Variants in ZNF677 observed in about 807,000 individuals in gnomAD.
ZNF677 encodes the protein hypothetical protein MGC48625.
A neutral mutation model predicts 8.1 loss-of-function variants in ZNF677; 5 were observed. The ratio of observed to expected loss-of-function variants is 0.62; its 90% CI spans 0.32 to 1.29. The LOEUF (loss-of-function observed/expected upper bound fraction) is 1.29, where lower values mean the gene tolerates loss of function less well. Among genes scored for constraint, ZNF677 ranks in the 50% most tolerant of loss-of-function variants. The probability of loss-of-function intolerance (pLI) is 0.05; values close to 1 mark genes in which losing one functional copy is unlikely to be tolerated. For synonymous variants in ZNF677, 221 were observed against 225.6 expected (o/e 0.98, Z 0.18); for missense variants, 685 against 685.9 (o/e 1.00, Z 0.01).
intron 4 of ZNF677, chr19:53,242,498 G>A (rs2091068781): frequency 2.5e-6 from 1 of 398,168 alleles, no homozygotes; most frequent in African/African-American, 2.1e-5. Context: ...GGATCTCTCT[G>A]TCAAGTCTTT....
In ZNF677 at chr19:53,251,572, T is replaced by A. The variant is rs1198569471; in HGVS notation, c.-22A>T. 3.1e-6 allele frequency: 5 copies of A among 1,613,792 alleles called. No homozygotes were observed. Among genetic ancestry groups the A allele is most frequent in the Non-Finnish European group, 4.2e-6 (5 of 1,179,858 alleles). ...CCATTCCCTCCTCTTCTTTCTTTCC[T>A]CTTCCTCTGAGTTTCTTTCTCAGGT... is the stretch of plus-strand genomic sequence containing the variant. On this transcript the variant is annotated 5_prime_UTR_variant, in exon 3 of 5. Coordinates refer to ENST00000598513, the MANE Select transcript of ZNF677 (RefSeq NM_182609.4).
At chr19:53,240,870 A>T (rs985502056) in intron 4 of ZNF677, 2 of 152,156 alleles carry the variant, frequency 1.3e-5, no homozygotes, top group Non-Finnish European at 2.9e-5. Context: ...AGGTTTATCA[A>T]TTTTAACAAA....
chr19:53,243,490 C>T (rs2146945704), intron 4 of ZNF677: 1 of 522,864 alleles, frequency 1.9e-6, no homozygotes, highest in Non-Finnish European at 3.3e-6. Context: ...TGATACCAGA[C>T]ACTTTAAAAC....
At position 53,237,513 on chromosome 19, in the gene ZNF677, C is replaced by A; in HGVS notation, c.1214G>T (p.Cys405Phe). Residue 405 changes from cysteine (C) to phenylalanine (F), a missense_variant, in exon 5 of 5, where the codon TGT (cysteine) becomes TTT (phenylalanine). By Grantham distance (205) the Cys-to-Phe change is radical. Transcript: ENST00000598513. Reference protein sequence around the residue: ...RIHTGEKPYICNECGKAFKQC... With the variant: ...RIHTGEKPYIFNECGKAFKQC... The stretch of plus-strand genomic sequence containing the variant: ...CTTAAAAGCTTTGCCACACTCATTA[C>A]ATATGTAAGGCTTCTCTCCAGTATG... The A allele has an allele frequency of 1.9e-6, 3 of 1,613,810 alleles. No individual in the cohort carries two copies. Among genetic ancestry groups the A allele is most frequent in the Non-Finnish European group, 2.5e-6 (3 of 1,179,886 alleles).
At chr19:53,252,440 A>T (rs1488108873) in intron 2 of ZNF677, among the ~76,000 whole-genome samples, 1 of 152,208 alleles carries the variant, frequency 6.6e-6, no homozygotes, top group Non-Finnish European at 1.5e-5. Flanking sequence ...CTCAGTTGTA[A>T]ATGAATGTTG....
At chr19:53,242,364 T>C (rs769996323) in intron 4 of ZNF677, 85 of 398,322 alleles carry the variant, frequency 2.1e-4, no homozygotes, top group Non-Finnish European at 3.1e-4. Context: ...GGTACGGGAG[T>C]AAAATAAAAG....
At chr19:53,240,589 G>C (rs1389660183) in intron 4 of ZNF677, 2 of 152,184 alleles carry the variant, frequency 1.3e-5, no homozygotes, top group Admixed American at 1.3e-4. Flanking sequence ...AAGCCAATCT[G>C]AAAAGGCCAT....
chr19:53,238,607 G>A (rs751488477), intron 4 of ZNF677, 50 bp from the exon 5 acceptor site: 4 of 1,446,354 alleles, frequency 2.8e-6, no homozygotes, highest in East Asian at 2.3e-5. Context: ...AGAGTTGCAA[G>A]GTAAATATTT....
In ZNF677 at chr19:53,236,137, G is replaced by A. The variant is rs2090971070; in HGVS notation, c.*835C>T. ...GAGAATTGCTTGAACCCGGGAGACAGAGGTTGCAGTGAGCTGAGATGGTGC... is the reference window on the plus strand; with the variant it reads ...GAGAATTGCTTGAACCCGGGAGACAAAGGTTGCAGTGAGCTGAGATGGTGC... On this transcript the variant is annotated 3_prime_UTR_variant, in exon 5 of 5. Transcript: ENST00000598513. The A allele has an allele frequency of 6.6e-6, 1 of 152,324 alleles. No homozygotes were observed. Among genetic ancestry groups the A allele is most frequent in the South Asian group, 2.1e-4 (1 of 4,834 alleles). 9.4% of individuals were successfully genotyped at this position (152,324 alleles called of 1,614,324 possible).
intron 3 of ZNF677, among the ~76,000 whole-genome samples, chr19:53,244,581 C>A (rs560591884): frequency 1.3e-5 from 2 of 152,264 alleles, no homozygotes; most frequent in African/African-American, 2.4e-5. Flanking sequence ...CTATGAAATA[C>A]TAATGAAGGA....
rs768176200 is a variant in ZNF677 at position 53,237,014 on chromosome 19, GAT to G, written c.1711_1712del (p.Ile571GlnfsTer3). On this transcript the variant is annotated frameshift_variant, in exon 5 of 5. Transcript: ENST00000598513. LOFTEE classifies it low-confidence loss of function (END_TRUNC). ...HQKSYNREKH[I>X]KYNETKIKYS... is the part of the protein sequence containing the mutation. Reference sequence around the variant, plus strand: ...ACTTAATTTTTGTCTCATTATATTTGATATGTTTTTCTCTATTATAACTTTTT... The same window carrying G: ...ACTTAATTTTTGTCTCATTATATTTGATGTTTTTCTCTATTATAACTTTTT... 1.7e-5 allele frequency: 27 copies of G among 1,590,806 alleles called. No individual in the cohort carries two copies. The highest frequency in any genetic ancestry group is 2.2e-5 in the Non-Finnish European group (26 of 1,171,714).
chr19:53,238,417 G>A lies in ZNF677; in HGVS notation c.310C>T (p.Pro104Ser), dbSNP rs764818106. 8.7e-6 allele frequency: 14 copies of A among 1,613,832 alleles called. No homozygotes were observed. In the East Asian group the frequency reaches 1.6e-4, roughly 18 times the overall value. The change falls in exon 5 of 5, where the codon CCT (proline) becomes TCT (serine). Residue 104 changes from proline (P) to serine (S), a missense_variant. Physicochemically the swap from Pro to Ser is moderately conservative, Grantham distance 74 (BLOSUM62 -1). Coordinates refer to ENST00000598513, the MANE Select transcript of ZNF677 (RefSeq NM_182609.4). ...FDLKEVWENM[P>S]KFDSLWDYDV... Reference sequence around the variant, plus strand: ...TAGTCCCACAGGCTGTCAAACTTAGGCATATTTTCCCAGACTTCCTTGAGG... The same window carrying A: ...TAGTCCCACAGGCTGTCAAACTTAGACATATTTTCCCAGACTTCCTTGAGG...
Position 53,237,759 on chromosome 19 carries a change from A to G in ZNF677, c.968T>C (p.Ile323Thr), listed in dbSNP as rs778740275. ...ATTTTGACTACAGACCTTGCCACAT[A>G]TATTACATTGATATGGTTTCTCTCC... ...HTGEKPYQCN[I>T]CGKVCSQNSN... Residue 323 changes from isoleucine to threonine, a missense_variant, in exon 5 of 5, where the codon ATA (isoleucine) becomes ACA (threonine). Coordinates refer to ENST00000598513, the MANE Select transcript of ZNF677 (RefSeq NM_182609.4). 1.9e-6 allele frequency: 3 copies of G among 1,613,670 alleles called. No homozygotes were observed. The highest frequency in any genetic ancestry group is 1.1e-5 in the South Asian group (1 of 91,032).
At position 53,250,138 on chromosome 19, in the gene ZNF677, C is replaced by G. The variant is rs10410412; in HGVS notation, c.15+1398G>C. 2.9e-3 allele frequency among the ~76,000 whole-genome samples: 438 copies of G among 152,232 alleles called. 5 individuals are homozygous for G. The highest frequency in any genetic ancestry group is 0.01 in the African/African-American group (424 of 41,538). ...CCACCCGTCTCAGCCTCCCAAAGTGCTGGGATTACAGGTGTGAGCCACTGC... is the reference window on the plus strand; with the variant it reads ...CCACCCGTCTCAGCCTCCCAAAGTGGTGGGATTACAGGTGTGAGCCACTGC... On this transcript the variant is annotated intron_variant, in intron 3 of 4. Transcript: ENST00000598513.
At chr19:53,254,594 C>G (rs899206258) in intron 1 of ZNF677, 5 of 152,178 alleles carry the variant, frequency 3.3e-5, no homozygotes, top group African/African-American at 1.2e-4. Context: ...GGTGTCCACA[C>G]TGACCTAAAG....
rs1448125347 is a variant in ZNF677, at chr19:53,236,912, C to T, written c.*60G>A. 1.5e-5 allele frequency: 22 copies of T among 1,458,560 alleles called. No individual in the cohort carries two copies. Among genetic ancestry groups the T allele is most frequent in the Non-Finnish European group, 1.7e-5 (19 of 1,092,292 alleles). The allele number at this position is 1,458,560 out of a possible 1,614,324, so 90.4% of individuals were successfully genotyped here. On this transcript the variant is annotated 3_prime_UTR_variant, in exon 5 of 5. Transcript: ENST00000598513. Reference sequence around the variant, plus strand: ...GTATCAAGTGAGACATAAGCCATAGCTAAAGGCTTTACCACATTTTCGTTT... The same window carrying T: ...GTATCAAGTGAGACATAAGCCATAGTTAAAGGCTTTACCACATTTTCGTTT...
chr19:53,250,378 A>G (rs914666227), intron 3 of ZNF677, among the ~76,000 whole-genome samples: 2 of 152,192 alleles, frequency 1.3e-5, no homozygotes, highest in African/African-American at 2.4e-5. Flanking sequence ...ACATACGTGC[A>G]TATGTTCACT....
Position 53,237,726 on chromosome 19 carries a change from A to C in ZNF677, c.1001T>G (p.Leu334Arg), listed in dbSNP as rs2090988512. The C allele has an allele frequency of 6.2e-7, 1 of 1,613,714 alleles. No homozygotes were observed. The highest frequency in any genetic ancestry group is 1.1e-5 in the South Asian group (1 of 91,044). Residue 334 changes from leucine to arginine, a missense_variant, in exon 5 of 5, where the codon CTT becomes CGT. Leu to Arg is a moderately radical substitution (Grantham distance 102, BLOSUM62 -2). Coordinates refer to ENST00000598513, the MANE Select transcript of ZNF677 (RefSeq NM_182609.4). ...AGTATGCATCCTCTGATGACTTGCAAGATTTGAATTTTGACTACAGACCTT... is the reference window on the plus strand; with the variant it reads ...AGTATGCATCCTCTGATGACTTGCACGATTTGAATTTTGACTACAGACCTT... Reference protein sequence around the residue: ...CGKVCSQNSNLASHQRMHTGE... With the variant: ...CGKVCSQNSNRASHQRMHTGE...
At chr19:53,243,565 G>A (rs949193091) in intron 4 of ZNF677, 179 bp downstream of exon 4, 24 of 756,448 alleles carry the variant, frequency 3.2e-5, no homozygotes, top group Non-Finnish European at 4.4e-5. Flanking sequence ...CTGATTATGC[G>A]CAGAACTTCT....
Sources: gnomAD v4.1 joint callset for allele counts (sites outside exome capture counted in the v4.1 genomes callset) on GRCh38, gnomAD v4.1.1 for gene constraint, MANE v1.5 for transcripts, NCBI Gene and HGNC (gene_info 2026-07-23, HGNC 2026-07-21) for gene names.